THRAP3: variants seen among roughly 807,000 people sequenced by gnomAD.
The protein encoded by THRAP3 is thyroid hormone receptor associated protein 3.
Under a neutral mutation model 101.0 loss-of-function variants are expected in THRAP3, and 16 were observed. That is an observed-to-expected ratio of 0.16 (90% CI 0.11 to 0.24). THRAP3 has a LOEUF of 0.24. THRAP3 is among the 10% of genes least tolerant of loss of function. THRAP3 has a pLI of 1.00. For missense variants in THRAP3, 989 were observed against 1,202.7 expected (o/e 0.82, Z 2.63); for synonymous variants, 407 against 422.6 (o/e 0.96, Z 0.45).
In THRAP3 at chr1:36,296,811, C is replaced by G. The variant is rs776915519; in HGVS notation, c.2303+41C>G. 37 of 1,500,878 alleles carry G rather than the reference C, an allele frequency of 2.5e-5. No homozygotes were observed. The East Asian group carries it at 7.2e-4, about 29-fold the overall frequency. The allele number at this position is 1,500,878 out of a possible 1,614,324, so 93.0% of individuals were successfully genotyped here. ...TTACCCCTTCCAGACTCTTAAGTTT[C>G]TTGTCTGTCCCCTTTGGGCTATACA... On this transcript the variant is annotated intron_variant, in intron 9 of 11. Coordinates refer to ENST00000354618, the MANE Select transcript of THRAP3 (RefSeq NM_005119.4).
At chr1:36,207,895 C>T in the THRAP3 span, among the ~76,000 whole-genome samples, 23 of 152,208 alleles carry the variant, frequency 1.5e-4, no homozygotes, top group Middle Eastern at 6.8e-3. Context: ...CGGGTTCAAG[C>T]GATTCTCCTG....
chr1:36,232,696 T>C (rs1645041239), intron 1 of THRAP3, among the ~76,000 whole-genome samples: 1 of 152,204 alleles, frequency 6.6e-6, no homozygotes. Flanking sequence ...TCTGAAGTGC[T>C]CCCATTGTCA....
At chr1:36,236,421 G>A (rs911057888) in intron 1 of THRAP3, among the ~76,000 whole-genome samples, 1 of 151,982 alleles carries the variant, frequency 6.6e-6, no homozygotes, top group Non-Finnish European at 1.5e-5. Flanking sequence ...AGACAGTGCT[G>A]GTATACATTG....
chr1:36,263,855 C>T (rs951171697), intron 2 of THRAP3, among the ~76,000 whole-genome samples: 2 of 152,164 alleles, frequency 1.3e-5, no homozygotes, highest in African/African-American at 4.8e-5. Flanking sequence ...GTTGATTTTC[C>T]CTGCTAACAT....
intron 1 of THRAP3, among the ~76,000 whole-genome samples, chr1:36,250,373 C>A (rs1645285102): frequency 6.6e-6 from 1 of 151,956 alleles, no homozygotes; most frequent in East Asian, 2.0e-4. Context: ...GCCACCACAC[C>A]CAGCTAACTT....
At chr1:36,229,429 T>C (rs1218583281) in intron 1 of THRAP3, among the ~76,000 whole-genome samples, 2 of 100,542 alleles carry the variant, frequency 2.0e-5, no homozygotes, top group Non-Finnish European at 4.2e-5. Context: ...TTTTGTTTTT[T>C]TTTTTTTGAG....
the THRAP3 span, among the ~76,000 whole-genome samples, chr1:36,217,877 A>G: frequency 1.3e-5 from 2 of 152,114 alleles, no homozygotes; most frequent in Non-Finnish European, 2.9e-5. Context: ...CTGAGACACA[A>G]CAACATTGAC....
rs1176531903 is a variant in THRAP3, at chr1:36,292,663, A to G, written c.1984A>G (p.Thr662Ala). The G allele has an allele frequency of 2.5e-6, 4 of 1,613,924 alleles. No individual in the cohort carries two copies. The South Asian group carries it at 3.3e-5, about 13-fold the overall frequency. The change falls in exon 7 of 12, where the codon ACT becomes GCT. Residue 662 changes from threonine (T) to alanine (A), a missense_variant. By Grantham distance (58) the Thr-to-Ala change is moderately conservative. Coordinates refer to ENST00000354618, the MANE Select transcript of THRAP3 (RefSeq NM_005119.4). ...CTTTACTAAATACCTAAAGAGAGGA[A>G]CTGAGCAGGAGGCAGCCAAAAACAA... ...ERFTKYLKRG[T>A]EQEAAKNKKS... is the part of the protein sequence containing the mutation.
the THRAP3 span, among the ~76,000 whole-genome samples, chr1:36,213,943 GAAA>G: frequency 6.7e-5 from 8 of 118,688 alleles, no homozygotes; most frequent in Non-Finnish European, 1.0e-4. Context: ...AAGAAAGAAA[GAAA>G]GAAAGAAAGA....
At chr1:36,285,623 CT>C (rs1341872884) in intron 3 of THRAP3, among the ~76,000 whole-genome samples, 1 of 152,158 alleles carries the variant, frequency 6.6e-6, no homozygotes, top group Non-Finnish European at 1.5e-5. Flanking sequence ...TCCTTGGGTA[CT>C]TTATGGTCCG....
intron 1 of THRAP3, chr1:36,225,290 C>T (rs1644949045): frequency 6.6e-6 from 1 of 152,184 alleles, no homozygotes; most frequent in African/African-American, 2.4e-5. Context: ...GGGAAAGCCT[C>T]TGAGAGTATA....
intron 2 of THRAP3, among the ~76,000 whole-genome samples, chr1:36,277,419 C>T (rs901308472): frequency 1.3e-5 from 2 of 152,046 alleles, no homozygotes; most frequent in East Asian, 1.9e-4. Flanking sequence ...AGGCTGGTCT[C>T]GAACTCCTGA....
chr1:36,279,523 A>G (rs1645705318), intron 2 of THRAP3, among the ~76,000 whole-genome samples: 1 of 152,218 alleles, frequency 6.6e-6, no homozygotes, highest in Admixed American at 6.5e-5. Flanking sequence ...CTTTATTCTG[A>G]CTTCATATAG....
intron 4 of THRAP3, chr1:36,287,982 C>A: frequency 2.1e-6 from 2 of 957,428 alleles, no homozygotes; most frequent in Non-Finnish European, 2.5e-6. Context: ...ACTAACCCAG[C>A]AAGTGGCTCC....
chr1:36,277,050 C>T (rs1050991165), intron 2 of THRAP3, among the ~76,000 whole-genome samples: 22 of 151,396 alleles, frequency 1.5e-4, no homozygotes, highest in African/African-American at 5.1e-4. Flanking sequence ...CTCACTGCAA[C>T]CTCCGCCTCC....
chr1:36,262,809 T>C (rs939324555), intron 2 of THRAP3, among the ~76,000 whole-genome samples: 21 of 151,194 alleles, frequency 1.4e-4, no homozygotes, highest in Non-Finnish European at 8.8e-5. Context: ...TATTATTTTT[T>C]TTGAGATGAA....
At chr1:36,226,288 C>T (rs1644961220) in intron 1 of THRAP3, among the ~76,000 whole-genome samples, 1 of 152,162 alleles carries the variant, frequency 6.6e-6, no homozygotes, top group South Asian at 2.1e-4. Flanking sequence ...GAGACAAAGT[C>T]TCGCGCTGTC....
rs1375889157 is a variant in THRAP3 at position 36,296,883 on chromosome 1, C to G, written c.2303+113C>G. 36 of 774,768 alleles carry G rather than the reference C, an allele frequency of 4.6e-5. 1 individual carries two copies. The highest frequency in any genetic ancestry group is 5.8e-5 in the Non-Finnish European group (31 of 529,970). The allele number at this position is 774,768 out of a possible 1,614,324, so 48.0% of individuals were successfully genotyped here. A position where few individuals can be genotyped will look rare whatever the true frequency, so the allele number is the denominator to read the frequency against. ...AGTTTAGGGTTAGTAATTATAGCAA[C>G]CTGTTTCTTCTTTTAATCCATGTAA... is the stretch of plus-strand genomic sequence containing the variant. On this transcript the variant is annotated intron_variant, in intron 9 of 11. Coordinates refer to ENST00000354618, the MANE Select transcript of THRAP3 (RefSeq NM_005119.4).
At chr1:36,270,034 C>T (rs1645567751) in intron 2 of THRAP3, among the ~76,000 whole-genome samples, 1 of 152,124 alleles carries the variant, frequency 6.6e-6, no homozygotes, top group Non-Finnish European at 1.5e-5. Context: ...ATGATGGAAA[C>T]ACTTGGGTTC....
Sources: gnomAD v4.1 joint callset for allele counts (sites outside exome capture counted in the v4.1 genomes callset) on GRCh38, gnomAD v4.1.1 for gene constraint, MANE v1.5 for transcripts, NCBI Gene and HGNC (gene_info 2026-07-23, HGNC 2026-07-21) for gene names.